Variants in ZZEF1 observed in about 807,000 individuals in gnomAD.
The protein encoded by ZZEF1 is zinc finger ZZ-type and EF-hand domain-containing protein 1.
In ZZEF1, 157 loss-of-function variants were observed where a neutral mutation model predicts 342.8. The observed-to-expected ratio is 0.46, with a 90% CI of 0.40 to 0.52. ZZEF1 has a LOEUF of 0.52. ZZEF1 is among the 20% of genes least tolerant of loss of function. The pLI, the probability that ZZEF1 is intolerant of heterozygous loss-of-function variation, is 0.00. For missense variants in ZZEF1, 3,480 were observed against 3,725.6 expected, an observed-to-expected ratio of 0.93 and a Z score of 1.72; for synonymous variants, 1,505 against 1,429.1, an observed-to-expected ratio of 1.05 and a Z score of -1.20.
intron 9 of ZZEF1, 56 bp downstream of exon 9, chr17:4,102,261 A>G (rs1437882056): frequency 6.7e-7 from 1 of 1,491,822 alleles, no homozygotes; most frequent in Admixed American, 1.7e-5. Context: ...GTGTGCTTTC[A>G]CACAGCTGAC....
At position 4,052,003 on chromosome 17, in the gene ZZEF1, G is replaced by A. The variant is rs117408376; in HGVS notation, c.5568C>T (p.Tyr1856=). ...AGTATTTCTTCGCTGCATAGCATCC[G>A]TAGCAAAGATCAAAGTCATCGCAAA... is the stretch of plus-strand genomic sequence containing the variant. ...CNVCDDFDLC[Y]GCYAAKKYSY... is the part of the protein sequence containing the mutation. Residue 1856 remains tyrosine (Y), a synonymous_variant, in exon 35 of 55, where the codon TAC becomes TAT. Coordinates refer to ENST00000381638, the MANE Select transcript of ZZEF1 (RefSeq NM_015113.4). The A allele has an allele frequency of 2.6e-5, 42 of 1,614,036 alleles. No individual in the cohort carries two copies. The highest frequency in any genetic ancestry group is 2.2e-4 in the East Asian group (10 of 44,872).
rs918784911 is a variant in ZZEF1 at position 4,142,969 on chromosome 17, C to T, written c.-74G>A. ...CCCGCCTCGACCTGTCAACCTCCGA[C>T]AGCAGCTGGCGGGCGGGGACGCGGA... On this transcript the variant is annotated 5_prime_UTR_variant, in exon 1 of 55. Coordinates refer to ENST00000381638, the MANE Select transcript of ZZEF1 (RefSeq NM_015113.4). The T allele has an allele frequency of 7.9e-6, 10 of 1,273,798 alleles. No individual in the cohort carries two copies. Among genetic ancestry groups the T allele is most frequent in the African/African-American group, 1.6e-5 (1 of 64,492 alleles). The allele number at this position is 1,273,798 out of a possible 1,614,324, so 78.9% of individuals were successfully genotyped here.
intron 1 of ZZEF1, among the ~76,000 whole-genome samples, chr17:4,129,741 GC>G (rs2058634177): frequency 6.6e-6 from 1 of 152,188 alleles, no homozygotes; most frequent in African/African-American, 2.4e-5. Context: ...GGAGGCTGAG[GC>G]AGGAGAATCA....
At chr17:4,011,142 C>T (rs954883046) in intron 52 of ZZEF1, among the ~76,000 whole-genome samples, 2 of 151,810 alleles carry the variant, frequency 1.3e-5, no homozygotes, top group Non-Finnish European at 2.9e-5. Flanking sequence ...TGGCTCATAC[C>T]TACAATCTCA....
At chr17:4,045,830 G>GTT (rs35957444) in intron 37 of ZZEF1, among the ~76,000 whole-genome samples, 9 of 137,264 alleles carry the variant, frequency 6.6e-5, no homozygotes, top group South Asian at 2.3e-4. Context: ...TTTTGTTCTT[G>GTT]TTTTTTTTTT....
At chr17:4,100,557 C>T (rs2058109958) in intron 9 of ZZEF1, among the ~76,000 whole-genome samples, 1 of 152,152 alleles carries the variant, frequency 6.6e-6, no homozygotes, top group Non-Finnish European at 1.5e-5. Context: ...AAATCTATTA[C>T]CAGGAGAAAT....
In ZZEF1 at chr17:4,017,301, T is replaced by G. The variant is rs2056131857; in HGVS notation, c.8001+70A>C. On this transcript the variant is annotated intron_variant, in intron 48 of 54. Coordinates refer to ENST00000381638, the MANE Select transcript of ZZEF1 (RefSeq NM_015113.4). This position sits in a 1 kb window ranked among gnomAD's most constrained non-coding sequence, Gnocchi z 5.1. ...CAGGTAGCCTCGCTCCAGGAAGCACTCACTGGAGGAAGCCTGTGGGGCAGA... is the reference window on the plus strand; with the variant it reads ...CAGGTAGCCTCGCTCCAGGAAGCACGCACTGGAGGAAGCCTGTGGGGCAGA... 6.5e-7 allele frequency: 1 copy of G among 1,529,148 alleles called. No individual in the cohort carries two copies. The highest frequency in any genetic ancestry group is 8.8e-7 in the Non-Finnish European group (1 of 1,139,528). The allele number at this position is 1,529,148 out of a possible 1,614,324, so 94.7% of individuals were successfully genotyped here. A position where few individuals can be genotyped will look rare whatever the true frequency, so the allele number is the denominator to read the frequency against.
At position 4,029,874 on chromosome 17, in the gene ZZEF1, C is replaced by CAAA. The variant is rs58293642; in HGVS notation, c.6892+2249_6892+2251dup. 1.5e-3 allele frequency among the ~76,000 whole-genome samples: 127 copies of CAAA among 82,240 alleles called. 1 individual carries two copies. Among genetic ancestry groups the CAAA allele is most frequent in the African/African-American group, 4.4e-3 (111 of 25,466 alleles). The allele number at this position is 82,240 out of a possible 152,430, so 54.0% of individuals were successfully genotyped here. ...GGGCAACAAGAGCAAAACTCCATCT[C>CAAA]AAAAAAAAAAAAAAAAAAAAAGACA... On this transcript the variant is annotated intron_variant, in intron 42 of 54. Coordinates refer to ENST00000381638, the MANE Select transcript of ZZEF1 (RefSeq NM_015113.4).
At chr17:4,121,754 C>T (rs1038426017) in intron 2 of ZZEF1, among the ~76,000 whole-genome samples, 2 of 150,580 alleles carry the variant, frequency 1.3e-5, no homozygotes, top group Admixed American at 6.6e-5. Context: ...GACAGGGTCT[C>T]GCTCTATCAC....
rs557682554 is a variant in ZZEF1 at position 4,123,153 on chromosome 17, C to T, written c.499+754G>A. 8.8e-4 allele frequency among the ~76,000 whole-genome samples: 132 copies of T among 150,804 alleles called. 1 individual carries two copies. Among genetic ancestry groups the T allele is most frequent in the African/African-American group, 2.9e-3 (121 of 41,276 alleles). ...GCCAGAATGATCTCGATCTCCTGAC[C>T]TCGTGATCCGCCCGCCTCGGCCTCC... On this transcript the variant is annotated intron_variant, in intron 2 of 54. Transcript: ENST00000381638.
At chr17:4,110,692 G>T (rs189827916) in intron 5 of ZZEF1, among the ~76,000 whole-genome samples, 469 of 151,162 alleles carry the variant, frequency 3.1e-3, no homozygotes, top group Non-Finnish European at 5.2e-3. Context: ...AGAATGAGGG[G>T]TGGGTTAAAA....
At chr17:4,140,403 C>T (rs2058824244) in intron 1 of ZZEF1, among the ~76,000 whole-genome samples, 1 of 152,154 alleles carries the variant, frequency 6.6e-6, no homozygotes. Context: ...CTTGCTTGAG[C>T]CCCAAGTGAG....
Position 4,005,101 on chromosome 17 carries a change from CTG to C in ZZEF1, c.*1787_*1788del, listed in dbSNP as rs1567751740. On this transcript the variant is annotated 3_prime_UTR_variant, in exon 55 of 55. Coordinates refer to ENST00000381638, the MANE Select transcript of ZZEF1 (RefSeq NM_015113.4). ...CTATCTCGTCTACCTTCCAGGTTGG[CTG>C]TGAGTCTGAGCACGCAGCGGGGCCT... The C allele has an allele frequency of 2.0e-5, 3 of 152,380 alleles. No homozygotes were observed. In the South Asian group the frequency reaches 6.2e-4, roughly 32 times the overall value. The allele number at this position is 152,380 out of a possible 1,614,324, so 9.4% of individuals were successfully genotyped here.
intron 1 of ZZEF1, among the ~76,000 whole-genome samples, chr17:4,133,212 C>T (rs999010861): frequency 3.9e-5 from 6 of 152,148 alleles, no homozygotes; most frequent in African/African-American, 4.8e-5. Flanking sequence ...AATATTTGGG[C>T]ACTCGTTAAA....
chr17:4,046,673 T>C (rs888674028), intron 37 of ZZEF1, among the ~76,000 whole-genome samples: 1 of 152,200 alleles, frequency 6.6e-6, no homozygotes, highest in African/African-American at 2.4e-5. Flanking sequence ...ACTTGCTTTG[T>C]TAAATGTACC....
At chr17:4,102,453 A>C in intron 8 of ZZEF1, 38 bp from the exon 9 acceptor site, 1 of 1,579,912 alleles carries the variant, frequency 6.3e-7, no homozygotes. Flanking sequence ...GTAAGCTAAA[A>C]TATGAAGAAC....
chr17:4,088,091 T>C (rs912086519), intron 13 of ZZEF1, among the ~76,000 whole-genome samples: 9 of 152,096 alleles, frequency 5.9e-5, no homozygotes, highest in African/African-American at 1.9e-4. Flanking sequence ...TGAAGCAGAA[T>C]GGGGATCAAG....
rs1383244833 is a variant in ZZEF1, at chr17:4,054,096, G to C, written c.5395C>G (p.Gln1799Glu). Reference protein sequence around the residue: ...IAPWHRYRCLQCSDMDLCKTC... With the variant: ...IAPWHRYRCLECSDMDLCKTC... ...TTGCAGAGATCCATGTCGCTGCACTGCAGACAGCGGTATCGATGCCAGGGG... is the reference window on the plus strand; with the variant it reads ...TTGCAGAGATCCATGTCGCTGCACTCCAGACAGCGGTATCGATGCCAGGGG... Residue 1799 changes from glutamine (Q) to glutamate (E), a missense_variant, in exon 34 of 55, where the codon CAG becomes GAG. Gln to Glu is a conservative substitution (Grantham distance 29). Transcript: ENST00000381638. 3 of 1,613,780 alleles carry C rather than the reference G, an allele frequency of 1.9e-6. No homozygotes were observed. Among genetic ancestry groups the C allele is most frequent in the Non-Finnish European group, 2.5e-6 (3 of 1,179,832 alleles).
chr17:4,116,889 G>C (rs750929724), intron 3 of ZZEF1, 83 bp downstream of exon 3: 2 of 1,378,220 alleles, frequency 1.5e-6, no homozygotes, highest in Non-Finnish European at 2.0e-6. Flanking sequence ...TGAAGGCAGG[G>C]AAAAGAATTG....
Sources: gnomAD v4.1 joint callset for allele counts (sites outside exome capture counted in the v4.1 genomes callset) on GRCh38, gnomAD v4.1.1 for gene constraint, Gnocchi (gnomAD v3.1) non-coding constraint, MANE v1.5 for transcripts, NCBI Gene and HGNC (gene_info 2026-07-23, HGNC 2026-07-21) for gene names.